CLEC6A: variants seen among roughly 807,000 people sequenced by gnomAD.
CLEC6A encodes C-type lectin domain containing 6A.
A neutral mutation model predicts 25.7 loss-of-function variants in CLEC6A; 22 were observed. The observed-to-expected ratio is 0.85, with a 90% CI of 0.61 to 1.22. The LOEUF (loss-of-function observed/expected upper bound fraction) is 1.22. CLEC6A is among the 50% of genes most tolerant of loss of function. The pLI is 0.00. For synonymous variants in CLEC6A, 92 were observed against 76.7 expected (o/e 1.20, Z -1.04); for missense variants, 240 against 236.8 (o/e 1.01, Z -0.09).
Position 8,477,301 on chromosome 12 carries a change from C to A in CLEC6A, c.486-19C>A. Reference sequence around the variant, plus strand: ...ATGCATTCTTTGAAGATGTGTACTACCTTTTTGTTTTCCTTTAGATTTTGG... The same window carrying A: ...ATGCATTCTTTGAAGATGTGTACTAACTTTTTGTTTTCCTTTAGATTTTGG... On this transcript the variant is annotated intron_variant, in intron 5 of 5. Coordinates refer to ENST00000382073, the MANE Select transcript of CLEC6A (RefSeq NM_001007033.2). The A allele has an allele frequency of 4.4e-6, 7 of 1,598,112 alleles. No homozygotes were observed. The highest frequency in any genetic ancestry group is 6.0e-6 in the Non-Finnish European group (7 of 1,172,248).
intron 4 of CLEC6A, among the ~76,000 whole-genome samples, chr12:8,468,984 T>A (rs1262960469): frequency 3.3e-5 from 5 of 152,104 alleles, no homozygotes; most frequent in African/African-American, 1.2e-4. Flanking sequence ...AAATTGGTAA[T>A]AAGGAAGTTG....
At position 8,471,495 on chromosome 12, in the gene CLEC6A, A is replaced by G. The variant is rs138483342; in HGVS notation, c.370-4630A>G. Reference sequence around the variant, plus strand: ...GATCTATTCAGATTTTTATTTCTTTATCATTCAGTCTTGGCAGGTGGTATG... The same window carrying G: ...GATCTATTCAGATTTTTATTTCTTTGTCATTCAGTCTTGGCAGGTGGTATG... On this transcript the variant is annotated intron_variant, in intron 4 of 5. Transcript: ENST00000382073. Among the ~76,000 whole-genome samples, 1,205 of 152,018 alleles carry G rather than the reference A, an allele frequency of 7.9e-3. 24 individuals are homozygous for G. Among genetic ancestry groups the G allele is most frequent in the African/African-American group, 0.028 (1,167 of 41,494 alleles).
intron 1 of CLEC6A, among the ~76,000 whole-genome samples, 167 bp downstream of exon 1, chr12:8,456,309 A>C (rs1939674328): frequency 6.6e-6 from 1 of 152,218 alleles, no homozygotes; most frequent in Non-Finnish European, 1.5e-5. Flanking sequence ...CAGAGCCATA[A>C]GCACTTGAAA....
chr12:8,461,606 G>A (rs1460424955), intron 3 of CLEC6A, among the ~76,000 whole-genome samples: 1 of 152,150 alleles, frequency 6.6e-6, no homozygotes, highest in South Asian at 2.1e-4. Context: ...CAATTATTTT[G>A]TATAATACCA....
chr12:8,466,585 G>A (rs1939833143), intron 4 of CLEC6A, among the ~76,000 whole-genome samples: 2 of 151,916 alleles, frequency 1.3e-5, no homozygotes, highest in East Asian at 3.8e-4. Context: ...CAATCCTAAT[G>A]GATGTGAGGT....
intron 2 of CLEC6A, among the ~76,000 whole-genome samples, chr12:8,459,189 C>T (rs1939718274): frequency 6.6e-6 from 1 of 151,992 alleles, no homozygotes; most frequent in Admixed American, 6.6e-5. Flanking sequence ...AAAAAATTAT[C>T]AGTTTTCACC....
chr12:8,475,344 ATG>A (rs59891632), intron 4 of CLEC6A, among the ~76,000 whole-genome samples: 140,626 of 148,940 alleles, frequency 0.94, 66,790 homozygotes, highest in Non-Finnish European at 1. Flanking sequence ...ATATATATGT[ATG>A]TGTGTGTGTG....
At chr12:8,470,066 T>C (rs4883158) in intron 4 of CLEC6A, among the ~76,000 whole-genome samples, 117,594 of 152,132 alleles carry the variant, frequency 0.77, 45,906 homozygotes, top group East Asian at 0.99. Flanking sequence ...GAATCTTCAA[T>C]GAACTTGAAC....
chr12:8,471,304 G>A (rs907800260), intron 4 of CLEC6A, among the ~76,000 whole-genome samples: 2 of 151,976 alleles, frequency 1.3e-5, no homozygotes, highest in Non-Finnish European at 2.9e-5. Flanking sequence ...CTCATCAAAT[G>A]AGTTCAGAAA....
At chr12:8,472,955 A>C (rs1302524092) in intron 4 of CLEC6A, among the ~76,000 whole-genome samples, 2 of 150,816 alleles carry the variant, frequency 1.3e-5, no homozygotes, top group Non-Finnish European at 3.0e-5. Flanking sequence ...ATTTTTGCTA[A>C]GTTTATATCC....
At position 8,477,362 on chromosome 12, in the gene CLEC6A, T is replaced by C; in HGVS notation, c.528T>C (p.Cys176=). The C allele has an allele frequency of 6.2e-7, 1 of 1,612,480 alleles. No homozygotes were observed. Among genetic ancestry groups the C allele is most frequent in the Non-Finnish European group, 8.5e-7 (1 of 1,178,898 alleles). ...LGEPNHSAEQ[C]ASIVFWKPTG... is the part of the protein sequence containing the mutation. ...AGCCCAATCATTCTGCAGAGCAATG[T>C]GCTTCAATAGTCTTCTGGAAACCTA... Residue 176 remains cysteine, a synonymous_variant, in exon 6 of 6, where the codon TGT becomes TGC. Transcript: ENST00000382073.
At chr12:8,463,337 G>A (rs1319974791) in intron 3 of CLEC6A, among the ~76,000 whole-genome samples, 1 of 151,892 alleles carries the variant, frequency 6.6e-6, no homozygotes, top group Admixed American at 6.6e-5. Context: ...AAACTTGGAA[G>A]TCTAAATCTT....
chr12:8,461,155 T>G, intron 3 of CLEC6A: 2 of 1,406,636 alleles, frequency 1.4e-6, no homozygotes, highest in Non-Finnish European at 2.0e-6. Flanking sequence ...GGGCCATAAG[T>G]TCCACCACAC....
rs745644404 is a variant in CLEC6A at position 8,477,398 on chromosome 12, C to T, written c.564C>T (p.Gly188=). Residue 188 remains glycine (G), a synonymous_variant, in exon 6 of 6, where the codon GGC becomes GGT. Transcript: ENST00000382073. ...SIVFWKPTGW[G]WNDVICETRR... is the part of the protein sequence containing the mutation. Reference sequence around the variant, plus strand: ...TCTTCTGGAAACCTACAGGATGGGGCTGGAATGATGTTATCTGTGAAACTA... The same window carrying T: ...TCTTCTGGAAACCTACAGGATGGGGTTGGAATGATGTTATCTGTGAAACTA... 1.2e-6 allele frequency: 2 copies of T among 1,611,976 alleles called. No homozygotes were observed. The highest frequency in any genetic ancestry group is 1.7e-6 in the Non-Finnish European group (2 of 1,178,582).
intron 4 of CLEC6A, among the ~76,000 whole-genome samples, chr12:8,475,305 C>A (rs765016861): frequency 5.3e-5 from 8 of 151,072 alleles, no homozygotes; most frequent in Non-Finnish European, 1.2e-4. Flanking sequence ...TAGCAGTCAA[C>A]GTGCTCCAGA....
intron 4 of CLEC6A, among the ~76,000 whole-genome samples, chr12:8,475,004 G>A (rs1318643731): frequency 6.6e-6 from 1 of 151,902 alleles, no homozygotes; most frequent in East Asian, 1.9e-4. Flanking sequence ...ATTTATATTA[G>A]GTATTTCTCC....
chr12:8,474,652 C>A (rs1231102997), intron 4 of CLEC6A, among the ~76,000 whole-genome samples: 2 of 152,134 alleles, frequency 1.3e-5, no homozygotes, highest in Non-Finnish European at 2.9e-5. Context: ...AGCCTCGGGG[C>A]AATACACAAC....
Position 8,465,501 on chromosome 12 carries a change from G to C in CLEC6A, c.241G>C (p.Ala81Pro), listed in dbSNP as rs1190358812. ...TKVPAWGCCP[A>P]SWKSFGSSCY... is the part of the protein sequence containing the mutation. Reference sequence around the variant, plus strand: ...AAAAATAGCCTGGGGATGTTGCCCAGCTTCTTGGAAGTCATTTGGTTCCAG... The same window carrying C: ...AAAAATAGCCTGGGGATGTTGCCCACCTTCTTGGAAGTCATTTGGTTCCAG... Residue 81 changes from alanine (A) to proline (P), a missense_variant, in exon 4 of 6, where the codon GCT becomes CCT. Transcript: ENST00000382073. 10 of 1,613,904 alleles carry C rather than the reference G, an allele frequency of 6.2e-6. No individual in the cohort carries two copies. Among genetic ancestry groups the C allele is most frequent in the Non-Finnish European group, 7.6e-6 (9 of 1,179,946 alleles).
At chr12:8,460,732 G>T (rs1297172767) in intron 3 of CLEC6A, 4 of 1,457,384 alleles carry the variant, frequency 2.7e-6, no homozygotes, top group Admixed American at 1.7e-5. Flanking sequence ...TCTCCACAGG[G>T]CTCCCCACCC....
Sources: allele counts gnomAD v4.1 joint callset (sites outside exome capture counted in the v4.1 genomes callset), GRCh38; gene constraint gnomAD v4.1.1; transcripts MANE v1.5; gene names NCBI Gene and HGNC (gene_info 2026-07-23, HGNC 2026-07-21).